The following SOX13 variants were observed in gnomAD, a reference collection of about 807,000 sequenced individuals.
SOX13 encodes the protein transcription factor SOX-13.
In SOX13, 28 loss-of-function variants were observed where a neutral mutation model predicts 71.8. The observed-to-expected ratio is 0.39, with a 90% CI of 0.29 to 0.53. The LOEUF is 0.53. Ranked by LOEUF, SOX13 falls within the 20% of genes least tolerant of loss-of-function variation. The pLI is 0.70. For synonymous variants in SOX13, 309 were observed against 317.8 expected (o/e 0.97, Z 0.29); for missense variants, 627 against 810.3 (o/e 0.77, Z 2.75).
intron 1 of SOX13, among the ~76,000 whole-genome samples, chr1:204,079,566 C>T (rs903351787): frequency 2.0e-5 from 3 of 147,872 alleles, no homozygotes; most frequent in Non-Finnish European, 3.0e-5. Context: ...TGGCTGGTCT[C>T]GAACCCCCGA....
At chr1:204,108,229 A>T (rs151333854) in intron 1 of SOX13, among the ~76,000 whole-genome samples, 149 of 152,372 alleles carry the variant, frequency 9.8e-4, no homozygotes, top group Middle Eastern at 3.4e-3. Context: ...AAGAATTTCA[A>T]CTTGTAATCA....
Position 204,124,856 on chromosome 1 carries a change from C to T in SOX13, c.1591C>T (p.Pro531Ser). 1 of 1,562,524 alleles carries T rather than the reference C, an allele frequency of 6.4e-7. No homozygotes were observed. Among genetic ancestry groups the T allele is most frequent in the South Asian group, 1.2e-5 (1 of 84,774 alleles). Residue 531 changes from proline to serine, a missense_variant and splice_region_variant, in exon 13 of 14, where the codon CCC (proline) becomes TCC (serine). By Grantham distance (74) the Pro-to-Ser change is moderately conservative. Around this residue, in one of 3 missense-constraint regions of SOX13, gnomAD observed 148 missense variants for 192.7 expected, o/e 0.77. Transcript: ENST00000367204. ...GGATGCCCGCCAGAGCTACGTGATCCCGTGAGCAGGCCCCCCCGCAGGCAG... is the reference window on the plus strand; with the variant it reads ...GGATGCCCGCCAGAGCTACGTGATCTCGTGAGCAGGCCCCCCCGCAGGCAG... ...RQDARQSYVI[P>S]PQAGQVQMSS...
chr1:204,079,636 C>T lies in SOX13; in HGVS notation c.-2+5925C>T, dbSNP rs954081613. Among the ~76,000 whole-genome samples the T allele has an allele frequency of 9.2e-5, 14 of 152,088 alleles. 1 individual carries two copies. The highest frequency in any genetic ancestry group is 1.8e-4 in the Non-Finnish European group (12 of 68,028). On this transcript the variant is annotated intron_variant, in intron 1 of 13. Coordinates refer to ENST00000367204, the MANE Select transcript of SOX13 (RefSeq NM_005686.3). ...TGCTGGGATTACAGGTGAGAACCACCGAGCCTGGCCTCACAGCATAGAACC... is the reference window on the plus strand; with the variant it reads ...TGCTGGGATTACAGGTGAGAACCACTGAGCCTGGCCTCACAGCATAGAACC...
At chr1:204,079,704 G>C (rs1332377041) in intron 1 of SOX13, among the ~76,000 whole-genome samples, 2 of 152,162 alleles carry the variant, frequency 1.3e-5, no homozygotes, top group African/African-American at 4.8e-5. Flanking sequence ...TCCCGCCTTA[G>C]TGGGTGGCAG....
intron 1 of SOX13, among the ~76,000 whole-genome samples, chr1:204,100,766 C>T (rs958672660): frequency 6.6e-6 from 1 of 152,106 alleles, no homozygotes; most frequent in Non-Finnish European, 1.5e-5. Context: ...CTGGGGTGTC[C>T]GATGAGCGAG....
chr1:204,082,073 T>G (rs997445869), intron 1 of SOX13, among the ~76,000 whole-genome samples: 20 of 131,174 alleles, frequency 1.5e-4, no homozygotes, highest in South Asian at 5.3e-4. Context: ...GGTGGTGGGG[T>G]GTGTGTGGGG....
intron 1 of SOX13, among the ~76,000 whole-genome samples, chr1:204,092,377 C>T (rs1483025478): frequency 6.6e-6 from 1 of 151,910 alleles, no homozygotes; most frequent in Non-Finnish European, 1.5e-5. Flanking sequence ...AGTGCAGTGG[C>T]ATGATCATGG....
intron 1 of SOX13, among the ~76,000 whole-genome samples, chr1:204,075,675 G>T (rs550209477): frequency 6.6e-6 from 1 of 152,144 alleles, no homozygotes. Context: ...CCTGGAGCTG[G>T]AGTTAGATCC....
chr1:204,090,634 C>G (rs369789950), intron 1 of SOX13, among the ~76,000 whole-genome samples: 6 of 152,112 alleles, frequency 3.9e-5, no homozygotes. Flanking sequence ...TGGTCTTGAA[C>G]TCCTGGCCTC....
chr1:204,100,928 T>C (rs1166375727), intron 1 of SOX13, among the ~76,000 whole-genome samples: 1 of 152,194 alleles, frequency 6.6e-6, no homozygotes, highest in East Asian at 1.9e-4. Flanking sequence ...TTGGCTGCCA[T>C]GATCATAGAG....
At chr1:204,100,195 G>A (rs888191136) in intron 1 of SOX13, among the ~76,000 whole-genome samples, 7 of 152,232 alleles carry the variant, frequency 4.6e-5, no homozygotes, top group African/African-American at 1.7e-4. Flanking sequence ...GTGTGACTCA[G>A]CCAGTTGTTT....
intron 1 of SOX13, among the ~76,000 whole-genome samples, chr1:204,091,667 C>G (rs910604609): frequency 2.0e-5 from 3 of 152,162 alleles, no homozygotes; most frequent in Admixed American, 6.6e-5. Flanking sequence ...AGTCCTGGCT[C>G]TGCTTCTGAG....
At chr1:204,091,401 A>G (rs1005757580) in intron 1 of SOX13, among the ~76,000 whole-genome samples, 1 of 152,088 alleles carries the variant, frequency 6.6e-6, no homozygotes, top group Non-Finnish European at 1.5e-5. Flanking sequence ...TGATCTCTAG[A>G]TGTCTTTTTA....
At chr1:204,077,962 C>T (rs1311008546) in intron 1 of SOX13, among the ~76,000 whole-genome samples, 1 of 152,136 alleles carries the variant, frequency 6.6e-6, no homozygotes, top group Non-Finnish European at 1.5e-5. Flanking sequence ...CAGGTGTGTG[C>T]CACCACACCT....
At chr1:204,106,388 G>T (rs146330494) in intron 1 of SOX13, among the ~76,000 whole-genome samples, 4 of 152,138 alleles carry the variant, frequency 2.6e-5, no homozygotes, top group African/African-American at 9.7e-5. Flanking sequence ...GCTGAACTCT[G>T]TCACTCTCTT....
intron 2 of SOX13, 41 bp from the exon 3 acceptor site, chr1:204,114,274 GTCCCCT>G: frequency 7.5e-7 from 1 of 1,326,962 alleles, no homozygotes; most frequent in East Asian, 2.5e-5. Context: ...CCTGCAGCCT[GTCCCCT>G]TCTCTTGGGG....
chr1:204,114,679 C>A, intron 4 of SOX13, 74 bp downstream of exon 4: 2 of 1,143,148 alleles, frequency 1.7e-6, no homozygotes, highest in Non-Finnish European at 2.7e-6. Flanking sequence ...CGCAGCCTGG[C>A]TCTGTAGGGC....
intron 1 of SOX13, among the ~76,000 whole-genome samples, chr1:204,094,696 CTCTTAA>C (rs1251068245): frequency 6.6e-6 from 1 of 152,214 alleles, no homozygotes; most frequent in Non-Finnish European, 1.5e-5. Context: ...TCTTCCTGCA[CTCTTAA>C]TCACACCGTG....
chr1:204,107,705 G>A (rs2102248083), intron 1 of SOX13, among the ~76,000 whole-genome samples: 1 of 152,264 alleles, frequency 6.6e-6, no homozygotes, highest in South Asian at 2.1e-4. Context: ...TCCCCCAAAG[G>A]TGAGACCCAG....
Sources: gnomAD v4.1 joint callset for allele counts (sites outside exome capture counted in the v4.1 genomes callset) on GRCh38, gnomAD v4.1.1 for gene constraint, gnomAD v4.1.1 regional missense constraint, MANE v1.5 for transcripts, NCBI Gene and HGNC (gene_info 2026-07-23, HGNC 2026-07-21) for gene names.